Variants in QTRT2 observed in about 807,000 individuals in gnomAD.
The protein encoded by QTRT2 is queuine tRNA-ribosyltransferase domain containing 1.
A neutral mutation model predicts 44.8 loss-of-function variants in QTRT2; 32 were observed. The ratio of observed to expected loss-of-function variants is 0.71; its 90% confidence interval spans 0.54 to 0.96. The LOEUF (loss-of-function observed/expected upper bound fraction) is 0.96, where lower values mean the gene tolerates loss of function less well. Ranked by LOEUF, QTRT2 falls within the 40% of genes least tolerant of loss-of-function variation. The pLI is 0.00. For missense variants in QTRT2, 461 were observed against 503.1 expected, an observed-to-expected ratio of 0.92 and a Z score of 0.80; for synonymous variants, 182 against 187.4, an observed-to-expected ratio of 0.97 and a Z score of 0.24.
intron 7 of QTRT2, chr3:114,077,244 ATTG>A (rs1182159788): frequency 9.9e-6 from 3 of 304,086 alleles, no homozygotes; most frequent in Non-Finnish European, 1.2e-5. Flanking sequence ...AATTACAAAT[ATTG>A]TTGTTATAAT....
intron 6 of QTRT2, 95 bp from the exon 7 acceptor site, chr3:114,076,648 G>T: frequency 1.8e-6 from 2 of 1,142,350 alleles, no homozygotes; most frequent in Non-Finnish European, 2.6e-6. Flanking sequence ...GCTTCACTGA[G>T]GTCTCTTCTA....
At chr3:114,084,091 G>A (rs1430521621) in intron 9 of QTRT2, among the ~76,000 whole-genome samples, 6 of 147,818 alleles carry the variant, frequency 4.1e-5, no homozygotes, top group South Asian at 2.1e-4. Context: ...GGGGCAGAGT[G>A]TAGCTCTGTT....
intron 2 of QTRT2, among the ~76,000 whole-genome samples, chr3:114,061,993 G>T (rs2076892997): frequency 6.9e-6 from 1 of 145,524 alleles, no homozygotes; most frequent in African/African-American, 2.6e-5. Context: ...AGTGGCCATG[G>T]TATGCTGCAG....
intron 2 of QTRT2, among the ~76,000 whole-genome samples, chr3:114,060,499 GATA>G (rs750659642): frequency 0.22 from 9,817 of 44,882 alleles, 363 homozygotes; most frequent in Middle Eastern, 0.32. Context: ...TAGGTAGGTA[GATA>G]GATAGATAGA....
At chr3:114,073,766 C>A (rs2077054332) in intron 6 of QTRT2, among the ~76,000 whole-genome samples, 1 of 151,984 alleles carries the variant, frequency 6.6e-6, no homozygotes, top group Admixed American at 6.6e-5. Flanking sequence ...AGTGCCCCCC[C>A]ATTCTTCCAT....
intron 7 of QTRT2, chr3:114,077,924 G>GCTGGT (rs1433562763): frequency 2.0e-5 from 3 of 152,028 alleles, no homozygotes; most frequent in Non-Finnish European, 4.4e-5. Flanking sequence ...TGTTGGTCAG[G>GCTGGT]CTGGTCTCGA....
At chr3:114,064,970 G>A (rs746260153) in intron 2 of QTRT2, among the ~76,000 whole-genome samples, 1 of 151,996 alleles carries the variant, frequency 6.6e-6, no homozygotes, top group Non-Finnish European at 1.5e-5. Context: ...TCATTTGTTT[G>A]GTTTTCATCA....
intron 5 of QTRT2, among the ~76,000 whole-genome samples, chr3:114,069,340 T>G (rs768747909): frequency 1.3e-5 from 2 of 152,126 alleles, no homozygotes; most frequent in Non-Finnish European, 2.9e-5. Context: ...ATTTCATCAC[T>G]GAGGTATTAA....
intron 5 of QTRT2, among the ~76,000 whole-genome samples, chr3:114,070,355 T>A (rs2077008239): frequency 6.6e-6 from 1 of 151,814 alleles, no homozygotes; most frequent in South Asian, 2.1e-4. Flanking sequence ...CAGCAAGGGT[T>A]AGGTAGGGGT....
At chr3:114,079,847 T>G in intron 7 of QTRT2, 59 bp from the exon 8 acceptor site, 1 of 1,540,186 alleles carries the variant, frequency 6.5e-7, no homozygotes, top group Non-Finnish European at 8.9e-7. Context: ...TTAAAAGGAC[T>G]TTCTGATTTC....
rs796649795 is a variant in QTRT2 at position 114,060,472 on chromosome 3, A to ATAGGTAGGTAGG, written c.-22+3382_-22+3393dup. ...GCAAATGGTTCCAAACCCCAGATAG[A>ATAGGTAGGTAGG]TAGGTAGGTAGGTAGGTAGGTAGGT... On this transcript the variant is annotated intron_variant, in intron 2 of 9. Coordinates refer to ENST00000281273, the MANE Select transcript of QTRT2 (RefSeq NM_024638.4). Among the ~76,000 whole-genome samples the ATAGGTAGGTAGG allele has an allele frequency of 1.8e-3, 262 of 146,704 alleles. 1 individual carries two copies. Among genetic ancestry groups the ATAGGTAGGTAGG allele is most frequent in the East Asian group, 0.018 (88 of 4,934 alleles).
In QTRT2 at chr3:114,086,098, G is replaced by T; in HGVS notation, c.*194G>T. The stretch of plus-strand genomic sequence containing the variant: ...TTCCTCAAAAGACTTAAATGACCTG[G>T]ATTGATCAGAGAGAATTGAACTGTG... On this transcript the variant is annotated 3_prime_UTR_variant, in exon 10 of 10. Coordinates refer to ENST00000281273, the MANE Select transcript of QTRT2 (RefSeq NM_024638.4). 2 of 556,518 alleles carry T rather than the reference G, an allele frequency of 3.6e-6. No homozygotes were observed. Among genetic ancestry groups the T allele is most frequent in the Non-Finnish European group, 6.4e-6 (2 of 311,680 alleles). The allele number at this position is 556,518 out of a possible 1,614,324, so 34.5% of individuals were successfully genotyped here. A position where few individuals can be genotyped will look rare whatever the true frequency, so the allele number is the denominator to read the frequency against.
At position 114,086,719 on chromosome 3, in the gene QTRT2, A is replaced by G. The variant is rs1294897056; in HGVS notation, c.*815A>G. 1 of 152,294 alleles carries G rather than the reference A, an allele frequency of 6.6e-6. No homozygotes were observed. Among genetic ancestry groups the G allele is most frequent in the African/African-American group, 2.4e-5 (1 of 41,460 alleles). 9.4% of individuals were successfully genotyped at this position (152,294 alleles called of 1,614,324 possible). ...ATTCATTCTCAATGTGTTCACTTGG[A>G]CAGAGCCCTGCCTGGCCTAACGATT... On this transcript the variant is annotated 3_prime_UTR_variant, in exon 10 of 10. Coordinates refer to ENST00000281273, the MANE Select transcript of QTRT2 (RefSeq NM_024638.4).
chr3:114,075,504 A>ATTT (rs34436490), intron 6 of QTRT2, among the ~76,000 whole-genome samples: 22 of 118,702 alleles, frequency 1.9e-4, no homozygotes, highest in African/African-American at 2.7e-4. Flanking sequence ...AGTTTTACTG[A>ATTT]TTTTTTTTTT....
chr3:114,083,496 T>C (rs577459249), intron 9 of QTRT2, among the ~76,000 whole-genome samples: 33 of 152,346 alleles, frequency 2.2e-4, no homozygotes, highest in African/African-American at 7.5e-4. Flanking sequence ...GATTTTCAGA[T>C]TAGGAATACG....
intron 4 of QTRT2, among the ~76,000 whole-genome samples, chr3:114,067,403 G>A (rs2076968455): frequency 6.6e-6 from 1 of 151,976 alleles, no homozygotes. Context: ...TTAGGCACAT[G>A]GTTTACTAAA....
intron 9 of QTRT2, among the ~76,000 whole-genome samples, chr3:114,083,761 G>A (rs2077198414): frequency 6.6e-6 from 1 of 152,196 alleles, no homozygotes; most frequent in Non-Finnish European, 1.5e-5. Context: ...TTGTAGGTCA[G>A]AAATGGTGAT....
In QTRT2 at chr3:114,085,738, G is replaced by A. The variant is rs556151258; in HGVS notation, c.1082G>A (p.Arg361Gln). 9.9e-6 allele frequency: 16 copies of A among 1,614,160 alleles called. No individual in the cohort carries two copies. The highest frequency in any genetic ancestry group is 3.3e-5 in the South Asian group (3 of 91,078). ...CSCYCCKNHT[R>Q]AYIHHLLVTN... The stretch of plus-strand genomic sequence containing the variant: ...TGTTACTGCTGTAAGAATCACACTC[G>A]GGCATACATCCACCATCTGCTGGTG... The change falls in exon 10 of 10, where the codon CGG (arginine) becomes CAG (glutamine). Residue 361 changes from arginine (R) to glutamine (Q), a missense_variant. Transcript: ENST00000281273.
chr3:114,083,192 C>T (rs1405580039), intron 9 of QTRT2, among the ~76,000 whole-genome samples: 1 of 152,128 alleles, frequency 6.6e-6, no homozygotes, highest in African/African-American at 2.4e-5. Context: ...CTATAAAGAA[C>T]AAATTAAGAT....
Sources: allele counts gnomAD v4.1 joint callset (sites outside exome capture counted in the v4.1 genomes callset), GRCh38; gene constraint gnomAD v4.1.1; transcripts MANE v1.5; gene names NCBI Gene and HGNC (gene_info 2026-07-23, HGNC 2026-07-21).